The following NRXN1 variants were observed in gnomAD, a reference collection of about 807,000 sequenced individuals.
NRXN1 encodes the protein neurexin 1.
NRXN1 carries 39 observed loss-of-function variants against 150.9 expected under a neutral mutation model. The ratio of observed to expected loss-of-function variants is 0.26; its 90% CI spans 0.20 to 0.34. The LOEUF is 0.34. Among genes scored for constraint, NRXN1 ranks in the 10% least tolerant of loss-of-function variants. The probability of loss-of-function intolerance (pLI) is 1.00; values close to 1 mark genes in which losing one functional copy is unlikely to be tolerated. For synonymous variants in NRXN1, 924 were observed against 757.0 expected, an observed-to-expected ratio of 1.22 and a Z score of -3.62; for missense variants, 1,815 against 1,949.9, an observed-to-expected ratio of 0.93 and a Z score of 1.30.
chr2:50,890,813 A>G (rs1025329583), intron 5 of NRXN1, among the ~76,000 whole-genome samples: 1 of 151,972 alleles, frequency 6.6e-6, no homozygotes, highest in Non-Finnish European at 1.5e-5. Flanking sequence ...TAACGACTGT[A>G]GTGAAACAAC....
chr2:50,827,495 A>C (rs998704211), intron 5 of NRXN1, among the ~76,000 whole-genome samples: 40 of 152,212 alleles, frequency 2.6e-4, no homozygotes, highest in African/African-American at 8.9e-4. Flanking sequence ...ATAGTAAAAA[A>C]TAATTTTTAA....
At chr2:50,653,990 T>TC (rs937990305) in intron 5 of NRXN1, among the ~76,000 whole-genome samples, 2 of 151,428 alleles carry the variant, frequency 1.3e-5, no homozygotes, top group Non-Finnish European at 2.9e-5. Context: ...TTTTTTTTTT[T>TC]TTCTGGTTCT....
intron 21 of NRXN1, among the ~76,000 whole-genome samples, chr2:50,020,340 T>G (rs2152558884): frequency 6.6e-6 from 1 of 152,332 alleles, no homozygotes; most frequent in East Asian, 1.9e-4. Flanking sequence ...GCTAAAGCAA[T>G]TTCTGTAGTT....
chr2:51,025,088 A>T (rs1326829539), intron 2 of NRXN1, among the ~76,000 whole-genome samples: 1 of 152,184 alleles, frequency 6.6e-6, no homozygotes, highest in African/African-American at 2.4e-5. Context: ...TTCTAGGAAG[A>T]CTGACTCTGC....
intron 5 of NRXN1, among the ~76,000 whole-genome samples, chr2:50,768,485 T>C (rs1639643845): frequency 1.3e-5 from 2 of 151,832 alleles, no homozygotes; most frequent in Admixed American, 1.3e-4. Context: ...TTTTTTAATT[T>C]TAGTAGAGAT....
chr2:50,924,850 TATC>T lies in NRXN1; in HGVS notation c.790+1085_790+1087del, dbSNP rs1686624169. 4.0e-5 allele frequency among the ~76,000 whole-genome samples: 6 copies of T among 151,886 alleles called. No individual in the cohort carries two copies. The South Asian group carries it at 1.2e-3, about 31-fold the overall frequency. ...CCCCTGCTACTGGTCAACTCTGTAT[TATC>T]ATGAAGTGTTCTTTCTTAGATACAT... On this transcript the variant is annotated intron_variant, in intron 3 of 22. Coordinates refer to ENST00000401669, the MANE Select transcript of NRXN1 (RefSeq NM_001330078.2).
rs188507389 is a variant in NRXN1, at chr2:49,921,066, A to G, written c.*878T>C. The G allele has an allele frequency of 6.5e-6, 1 of 152,728 alleles. No individual in the cohort carries two copies. Among genetic ancestry groups the G allele is most frequent in the East Asian group, 1.9e-4 (1 of 5,180 alleles). 9.5% of individuals were successfully genotyped at this position (152,728 alleles called of 1,614,324 possible). On this transcript the variant is annotated 3_prime_UTR_variant, in exon 23 of 23. Transcript: ENST00000401669. The stretch of plus-strand genomic sequence containing the variant: ...TGATGTCATAAAACTCCCTATACTT[A>G]GCAACACTTATAACATTGAATTTAC...
intron 2 of NRXN1, among the ~76,000 whole-genome samples, chr2:51,021,548 A>T (rs1669613566): frequency 7.4e-6 from 1 of 135,446 alleles, no homozygotes; most frequent in African/African-American, 2.5e-5. Context: ...AGTGACATGT[A>T]TACATATATA....
At chr2:50,035,029 C>T (rs150027677) in intron 21 of NRXN1, among the ~76,000 whole-genome samples, 1 of 152,062 alleles carries the variant, frequency 6.6e-6, no homozygotes, top group Non-Finnish European at 1.5e-5. Flanking sequence ...ATATTTCATT[C>T]TTCCGTGTCA....
intron 5 of NRXN1, among the ~76,000 whole-genome samples, chr2:50,662,476 G>C (rs1417816332): frequency 6.6e-6 from 1 of 151,958 alleles, no homozygotes; most frequent in Admixed American, 6.6e-5. Flanking sequence ...AAGGGTTTAG[G>C]GTAAGCTTCT....
chr2:50,516,141 T>A (rs919226336), intron 12 of NRXN1, among the ~76,000 whole-genome samples: 1 of 152,180 alleles, frequency 6.6e-6, no homozygotes, highest in Non-Finnish European at 1.5e-5. Flanking sequence ...GACATGTAAA[T>A]GGCACTTCTA....
intron 5 of NRXN1, among the ~76,000 whole-genome samples, chr2:50,802,780 T>C (rs747751674): frequency 1.3e-5 from 2 of 151,740 alleles, no homozygotes; most frequent in Non-Finnish European, 2.9e-5. Context: ...GACAAAGAGA[T>C]AGACACACAC....
At chr2:49,932,071 G>C (rs897662511) in intron 22 of NRXN1, among the ~76,000 whole-genome samples, 1 of 144,684 alleles carries the variant, frequency 6.9e-6, no homozygotes, top group African/African-American at 2.9e-5. Flanking sequence ...GCATGTGTGT[G>C]AATGTGTGTG....
chr2:50,430,132 T>C (rs533618176), intron 17 of NRXN1, among the ~76,000 whole-genome samples: 3 of 152,318 alleles, frequency 2.0e-5, no homozygotes, highest in African/African-American at 7.2e-5. Flanking sequence ...GGATTTTAAA[T>C]CCTTAACTGT....
intron 2 of NRXN1, among the ~76,000 whole-genome samples, chr2:50,978,254 T>C (rs1037771304): frequency 3.7e-5 from 4 of 109,032 alleles, no homozygotes; most frequent in Non-Finnish European, 6.0e-5. Context: ...GACCATACTC[T>C]GAATATGGAT....
intron 21 of NRXN1, among the ~76,000 whole-genome samples, chr2:50,046,910 T>C (rs926944579): frequency 6.6e-6 from 1 of 152,012 alleles, no homozygotes; most frequent in Non-Finnish European, 1.5e-5. Flanking sequence ...TTAGAAGGAG[T>C]AATACATGAT....
chr2:50,359,849 C>T lies in NRXN1; in HGVS notation c.3364+105593G>A, dbSNP rs181744758. On this transcript the variant is annotated intron_variant, in intron 17 of 22. Coordinates refer to ENST00000401669, the MANE Select transcript of NRXN1 (RefSeq NM_001330078.2). ...AATGAAGGAAAAAATGTCAAGGGCA[C>T]GCAGAGAGAAAGGTTGGGCTACCCA... Among the ~76,000 whole-genome samples the T allele has an allele frequency of 9.9e-5, 15 of 152,094 alleles. No individual in the cohort carries two copies. The East Asian group carries it at 1.4e-3, about 14-fold the overall frequency.
chr2:50,827,177 C>G (rs564311228), intron 5 of NRXN1, among the ~76,000 whole-genome samples: 1 of 152,146 alleles, frequency 6.6e-6, no homozygotes, highest in South Asian at 2.1e-4. Context: ...GGCAAATAGC[C>G]TGGAAGAAAC....
chr2:50,099,995 C>T (rs192909627), intron 18 of NRXN1, among the ~76,000 whole-genome samples: 38 of 152,086 alleles, frequency 2.5e-4, no homozygotes, highest in African/African-American at 6.3e-4. Flanking sequence ...GCAGTTCTCA[C>T]GGAAAAAATT....
Sources: allele counts gnomAD v4.1 joint callset (sites outside exome capture counted in the v4.1 genomes callset), GRCh38; gene constraint gnomAD v4.1.1; transcripts MANE v1.5; gene names NCBI Gene and HGNC (gene_info 2026-07-23, HGNC 2026-07-21).